The following COL14A1 variants were observed in gnomAD, a reference collection of about 807,000 sequenced individuals.
The protein encoded by COL14A1 is collagen type XIV alpha 1 chain.
Under a neutral mutation model 230.3 loss-of-function variants are expected in COL14A1, and 136 were observed. The observed-to-expected ratio is 0.59, with a 90% CI of 0.51 to 0.68. COL14A1 has a LOEUF of 0.68. COL14A1 is among the 30% of genes least tolerant of loss of function. The pLI, the probability that COL14A1 is intolerant of heterozygous loss-of-function variation, is 0.00. For synonymous variants in COL14A1, 792 were observed against 784.1 expected (o/e 1.01, Z -0.17); for missense variants, 1,976 against 2,215.8 (o/e 0.89, Z 2.17).
chr8:120,162,458 A>C lies in COL14A1; in HGVS notation c.238A>C (p.Thr80Pro). 6.2e-7 allele frequency: 1 copy of C among 1,611,160 alleles called. No homozygotes were observed. Among genetic ancestry groups the C allele is most frequent in the Non-Finnish European group, 8.5e-7 (1 of 1,178,888 alleles). Reference protein sequence around the residue: ...GKTNQLNLQNTATKAIIQGLM... With the variant: ...GKTNQLNLQNPATKAIIQGLM... ...AACTAACCAGCTGAATCTGCAGAACACTGCAACTAAAGCAATTATTCAAGG... is the reference window on the plus strand; with the variant it reads ...AACTAACCAGCTGAATCTGCAGAACCCTGCAACTAAAGCAATTATTCAAGG... The change falls in exon 4 of 48, where the codon ACT becomes CCT. Residue 80 changes from threonine (T) to proline (P), a missense_variant. By Grantham distance (38) the Thr-to-Pro change is conservative. This residue lies in a region of COL14A1 where 181 missense variants were observed against 178.6 expected (regional missense o/e 1.01). Coordinates refer to ENST00000297848, the MANE Select transcript of COL14A1 (RefSeq NM_021110.4).
chr8:120,197,724 C>A (rs760560688), intron 6 of COL14A1, 87 bp from the exon 7 acceptor site: 20 of 1,439,066 alleles, frequency 1.4e-5, no homozygotes, highest in African/African-American at 4.3e-5. Context: ...AAAGATGAGG[C>A]CTTTCGTCAT....
intron 2 of COL14A1, among the ~76,000 whole-genome samples, chr8:120,150,947 G>C (rs1255877883): frequency 6.6e-6 from 1 of 151,878 alleles, no homozygotes; most frequent in Non-Finnish European, 1.5e-5. Context: ...AACATCAATA[G>C]AGTTCAATAA....
chr8:120,190,677 A>C (rs1256783459), intron 5 of COL14A1, among the ~76,000 whole-genome samples: 3 of 151,562 alleles, frequency 2.0e-5, no homozygotes, highest in African/African-American at 7.3e-5. Flanking sequence ...CTGGTCCTGG[A>C]CTCTTTTTGG....
chr8:120,320,647 C>T (rs1371852794), intron 40 of COL14A1, among the ~76,000 whole-genome samples: 2 of 152,162 alleles, frequency 1.3e-5, no homozygotes, highest in South Asian at 4.1e-4. Flanking sequence ...TTCCCTTGAG[C>T]ATCTTCCTCC....
At chr8:120,202,733 G>A (rs1442589995) in intron 8 of COL14A1, among the ~76,000 whole-genome samples, 1 of 151,766 alleles carries the variant, frequency 6.6e-6, no homozygotes, top group Middle Eastern at 3.2e-3. Flanking sequence ...GTGCTTGGGG[G>A]CACAGTGATC....
Position 120,345,504 on chromosome 8 carries a change from C to T in COL14A1, c.5018C>T (p.Pro1673Leu), listed in dbSNP as rs563514286. The T allele has an allele frequency of 1.9e-5, 30 of 1,596,762 alleles. No individual in the cohort carries two copies. The South Asian group carries it at 3.1e-4, about 16-fold the overall frequency. The change falls in exon 45 of 48, where the codon CCC becomes CTC. Residue 1673 changes from proline (P) to leucine (L), a missense_variant. Transcript: ENST00000297848. Reference sequence around the variant, plus strand: ...CCTGGAGCCCCTGGTGAACAAGGACCCCCAGGCACACCAGGCTTCCCCGGA... The same window carrying T: ...CCTGGAGCCCCTGGTGAACAAGGACTCCCAGGCACACCAGGCTTCCCCGGA... ...GSPGAPGEQG[P>L]PGTPGFPGNA... is the part of the protein sequence containing the mutation.
chr8:120,279,744 G>T (rs1819979904), intron 28 of COL14A1, among the ~76,000 whole-genome samples, 191 bp from the exon 29 acceptor site: 3 of 152,136 alleles, frequency 2.0e-5, no homozygotes, highest in Non-Finnish European at 4.4e-5. Context: ...CTCTTTAGGG[G>T]ATGATGGAAT....
chr8:120,368,762 C>T (rs1015083123), intron 46 of COL14A1, among the ~76,000 whole-genome samples: 7 of 152,026 alleles, frequency 4.6e-5, no homozygotes, highest in Non-Finnish European at 1.0e-4. Context: ...GTCATTGGTC[C>T]CCTCCAGGAC....
chr8:120,225,006 T>A (rs934625671), intron 14 of COL14A1, 82 bp from the exon 15 acceptor site: 7 of 1,338,704 alleles, frequency 5.2e-6, no homozygotes, highest in Non-Finnish European at 7.2e-6. Context: ...TGCTGTCAGC[T>A]AAGCGAGCTA....
At chr8:120,142,857 A>C (rs4364673) in intron 1 of COL14A1, among the ~76,000 whole-genome samples, 8,484 of 152,230 alleles carry the variant, frequency 0.056, 566 homozygotes, top group South Asian at 0.15. Flanking sequence ...GTTGTCAAAA[A>C]TTTTTTTATG....
intron 12 of COL14A1, among the ~76,000 whole-genome samples, chr8:120,211,435 T>C (rs1274537034): frequency 6.6e-6 from 1 of 152,186 alleles, no homozygotes; most frequent in Non-Finnish European, 1.5e-5. Context: ...TTGTGAAACA[T>C]ACAGGATCAT....
At chr8:120,325,734 C>T (rs571761228) in intron 40 of COL14A1, among the ~76,000 whole-genome samples, 159 of 152,248 alleles carry the variant, frequency 1.0e-3, no homozygotes, top group African/African-American at 3.7e-3. Context: ...CTCCAGTGAT[C>T]CACCCTCCTT....
At chr8:120,254,450 C>T (rs1342663143) in intron 22 of COL14A1, among the ~76,000 whole-genome samples, 2 of 152,138 alleles carry the variant, frequency 1.3e-5, no homozygotes, top group South Asian at 2.1e-4. Flanking sequence ...TGAAACTGCT[C>T]CTGTTTGCAG....
chr8:120,252,866 T>C (rs187764005), intron 22 of COL14A1, among the ~76,000 whole-genome samples: 11 of 152,306 alleles, frequency 7.2e-5, no homozygotes, highest in Non-Finnish European at 1.3e-4. Context: ...CGATTGCATA[T>C]AGGGCCAGCC....
At chr8:120,310,778 T>C (rs1339623452) in intron 37 of COL14A1, among the ~76,000 whole-genome samples, 2 of 152,226 alleles carry the variant, frequency 1.3e-5, no homozygotes, top group African/African-American at 2.4e-5. Flanking sequence ...TTAATTTCCT[T>C]AAAGTCTATG....
At chr8:120,200,587 A>G (rs986498417) in intron 8 of COL14A1, among the ~76,000 whole-genome samples, 7 of 151,098 alleles carry the variant, frequency 4.6e-5, no homozygotes, top group Non-Finnish European at 7.4e-5. Flanking sequence ...TTTTAAAACC[A>G]TACCCAGTTC....
intron 22 of COL14A1, 97 bp downstream of exon 22, chr8:120,250,863 G>C: frequency 7.1e-7 from 1 of 1,405,838 alleles, no homozygotes; most frequent in African/African-American, 1.4e-5. Flanking sequence ...GCTGGAGTGC[G>C]CTGGTGCGAT....
intron 47 of COL14A1, chr8:120,370,455 C>A: frequency 6.4e-7 from 1 of 1,560,926 alleles, no homozygotes; most frequent in South Asian, 1.2e-5. Flanking sequence ...CACCACCAAG[C>A]CCCTGCCCCT....
Position 120,255,335 on chromosome 8 carries a change from G to T in COL14A1, c.2848G>T (p.Val950Phe), listed in dbSNP as rs1287756119. 1.9e-6 allele frequency: 3 copies of T among 1,613,650 alleles called. No homozygotes were observed. Among genetic ancestry groups the T allele is most frequent in the Non-Finnish European group, 2.5e-6 (3 of 1,179,586 alleles). Residue 950 changes from valine (V) to phenylalanine (F), a missense_variant, in exon 23 of 48, where the codon GTT (valine) becomes TTT (phenylalanine). Coordinates refer to ENST00000297848, the MANE Select transcript of COL14A1 (RefSeq NM_021110.4). ...QVHRHATAYRVVIESLQDRQK... is the reference protein window; with the variant it reads ...QVHRHATAYRFVIESLQDRQK... ...ACATCGCCATGCCACAGCCTATAGG[G>T]TTGTTATAGAATCCCTCCAGGGTGA...
Sources: gnomAD v4.1 joint callset for allele counts (sites outside exome capture counted in the v4.1 genomes callset) on GRCh38, gnomAD v4.1.1 for gene constraint, gnomAD v4.1.1 regional missense constraint, MANE v1.5 for transcripts, NCBI Gene and HGNC (gene_info 2026-07-23, HGNC 2026-07-21) for gene names.